The following ERC2 variants were observed in gnomAD, a reference collection of about 807,000 sequenced individuals.
ERC2 encodes the protein ELKS/RAB6-interacting/CAST family member 2.
ERC2 carries 42 observed loss-of-function variants against 114.8 expected under a neutral mutation model. The observed-to-expected ratio is 0.37, with a 90% CI of 0.29 to 0.47. ERC2 has a LOEUF of 0.47. Ranked by LOEUF, ERC2 falls within the 20% of genes least tolerant of loss-of-function variation. The pLI, the probability that ERC2 is intolerant of heterozygous loss-of-function variation, is 0.99. For synonymous variants in ERC2, 454 were observed against 425.5 expected (o/e 1.07, Z -0.82); for missense variants, 939 against 1,150.7 (o/e 0.82, Z 2.66).
chr3:56,150,066 G>C (rs991000664), intron 4 of ERC2, among the ~76,000 whole-genome samples: 4 of 152,146 alleles, frequency 2.6e-5, no homozygotes, highest in African/African-American at 7.2e-5. Flanking sequence ...CTGACTTCAA[G>C]TTTTCTCAGT....
At chr3:56,215,603 G>A (rs2049408112) in intron 3 of ERC2, among the ~76,000 whole-genome samples, 1 of 152,054 alleles carries the variant, frequency 6.6e-6, no homozygotes, top group Non-Finnish European at 1.5e-5. Flanking sequence ...AAGTTAACAA[G>A]GATATCCAGG....
chr3:55,882,441 G>A (rs1303599989), intron 14 of ERC2, among the ~76,000 whole-genome samples: 3 of 152,066 alleles, frequency 2.0e-5, no homozygotes, highest in African/African-American at 7.2e-5. Flanking sequence ...GAATGTTGAG[G>A]GAAATAATCA....
chr3:56,043,708 C>G (rs1253443629), intron 7 of ERC2, among the ~76,000 whole-genome samples: 2 of 152,150 alleles, frequency 1.3e-5, no homozygotes, highest in Non-Finnish European at 2.9e-5. Flanking sequence ...TACCCTCTAA[C>G]TCTATTCTAA....
chr3:55,864,128 C>T (rs1412046464), intron 14 of ERC2, among the ~76,000 whole-genome samples: 13 of 115,262 alleles, frequency 1.1e-4, no homozygotes, highest in South Asian at 6.1e-4. Context: ...TACACACACA[C>T]ATATATATAT....
At chr3:56,130,111 G>A (rs1451027195) in intron 6 of ERC2, among the ~76,000 whole-genome samples, 2 of 152,176 alleles carry the variant, frequency 1.3e-5, no homozygotes, top group Non-Finnish European at 2.9e-5. Flanking sequence ...AAAGAGTACT[G>A]TAAAATATCA....
Position 55,991,048 on chromosome 3 carries a change from C to T in ERC2, c.2255+1009G>A, listed in dbSNP as rs146390916. ...ACTTCGAGGCTGCAGTGAGTTGTGA[C>T]CATGCCACTGCACTCCAGCCTGCAC... On this transcript the variant is annotated intron_variant, in intron 11 of 17. Coordinates refer to ENST00000288221, the MANE Select transcript of ERC2 (RefSeq NM_015576.3). 2.4e-4 allele frequency among the ~76,000 whole-genome samples: 36 copies of T among 152,246 alleles called. No individual in the cohort carries two copies. The East Asian group carries it at 6.8e-3, about 29-fold the overall frequency.
chr3:55,867,456 A>G (rs992590453), intron 14 of ERC2, among the ~76,000 whole-genome samples: 2 of 152,210 alleles, frequency 1.3e-5, no homozygotes, highest in Non-Finnish European at 2.9e-5. Context: ...ATACATACAC[A>G]ATGCCATCTG....
At chr3:55,512,892 C>T (rs748538604) in intron 17 of ERC2, among the ~76,000 whole-genome samples, 1 of 152,132 alleles carries the variant, frequency 6.6e-6, no homozygotes, top group Non-Finnish European at 1.5e-5. Context: ...AAAAGAAAAA[C>T]AACAAGGAAA....
At chr3:55,738,021 C>T (rs546241001) in intron 14 of ERC2, among the ~76,000 whole-genome samples, 1 of 152,252 alleles carries the variant, frequency 6.6e-6, no homozygotes, top group South Asian at 2.1e-4. Flanking sequence ...CCAGTCCATC[C>T]GACTGGCCTC....
chr3:55,625,914 T>C (rs1355445470), intron 17 of ERC2, among the ~76,000 whole-genome samples: 2 of 152,182 alleles, frequency 1.3e-5, no homozygotes, highest in East Asian at 1.9e-4. Flanking sequence ...CTGAAAGGCA[T>C]GTCTGTATTT....
At chr3:55,773,172 C>T (rs925096094) in intron 14 of ERC2, among the ~76,000 whole-genome samples, 3 of 152,216 alleles carry the variant, frequency 2.0e-5, no homozygotes, top group Non-Finnish European at 2.9e-5. Context: ...CTATCAGTCC[C>T]GTGTGACCTG....
At position 55,525,629 on chromosome 3, in the gene ERC2, C is replaced by G. The variant is rs150211445; in HGVS notation, c.*40-14353G>C. On this transcript the variant is annotated intron_variant, in intron 17 of 17. Coordinates refer to ENST00000288221, the MANE Select transcript of ERC2 (RefSeq NM_015576.3). ...AGGCCAAAGCTGACCCAGTGAACCT[C>G]AAGCACCAAGGACACAACATGGAAT... is the stretch of plus-strand genomic sequence containing the variant. Among the ~76,000 whole-genome samples, 17 of 152,280 alleles carry G rather than the reference C, an allele frequency of 1.1e-4. No homozygotes were observed. The East Asian group carries it at 3.3e-3, about 29-fold the overall frequency.
intron 2 of ERC2, among the ~76,000 whole-genome samples, chr3:56,411,831 G>A (rs1381670317): frequency 1.3e-5 from 2 of 152,078 alleles, no homozygotes; most frequent in East Asian, 1.9e-4. Flanking sequence ...GCACCAAACT[G>A]CCCAGGGGGC....
chr3:55,514,486 C>T (rs1365887547), intron 17 of ERC2, among the ~76,000 whole-genome samples: 1 of 152,108 alleles, frequency 6.6e-6, no homozygotes, highest in Non-Finnish European at 1.5e-5. Flanking sequence ...TCTGAGTGGA[C>T]CTAATTTAAT....
At chr3:56,041,884 T>G (rs2075212001) in intron 7 of ERC2, among the ~76,000 whole-genome samples, 1 of 152,246 alleles carries the variant, frequency 6.6e-6, no homozygotes, top group Non-Finnish European at 1.5e-5. Context: ...TTAGTGACTT[T>G]ATGACACCCT....
intron 17 of ERC2, among the ~76,000 whole-genome samples, chr3:55,545,318 A>G (rs1252961841): frequency 6.6e-6 from 1 of 152,172 alleles, no homozygotes; most frequent in African/African-American, 2.4e-5. Context: ...ACGCAAATCC[A>G]ATTACATGAC....
At chr3:56,196,095 G>A (rs1307775907) in intron 3 of ERC2, among the ~76,000 whole-genome samples, 2 of 152,052 alleles carry the variant, frequency 1.3e-5, no homozygotes, top group African/African-American at 4.8e-5. Context: ...TAGGTCTTCT[G>A]CAGATAATCC....
At chr3:55,951,955 T>C (rs2067547974) in intron 12 of ERC2, among the ~76,000 whole-genome samples, 1 of 151,768 alleles carries the variant, frequency 6.6e-6, no homozygotes, top group African/African-American at 2.4e-5. Context: ...CACAAGAGCA[T>C]TGTTTAGTTA....
intron 14 of ERC2, among the ~76,000 whole-genome samples, chr3:55,887,571 C>T (rs1297613520): frequency 2.0e-5 from 3 of 152,150 alleles, no homozygotes; most frequent in Non-Finnish European, 2.9e-5. Context: ...AACATAGAGA[C>T]GCTCCTTCTT....
Sources: gnomAD v4.1 joint callset for allele counts (sites outside exome capture counted in the v4.1 genomes callset) on GRCh38, gnomAD v4.1.1 for gene constraint, MANE v1.5 for transcripts, NCBI Gene and HGNC (gene_info 2026-07-23, HGNC 2026-07-21) for gene names.